The following JAK1 variants were observed in gnomAD, a reference collection of about 807,000 sequenced individuals.
The protein encoded by JAK1 is Janus kinase 1, also known as tyrosine-protein kinase JAK1.
JAK1 carries 16 observed loss-of-function variants against 136.6 expected under a neutral mutation model. The ratio of observed to expected loss-of-function variants is 0.12; its 90% confidence interval spans 0.08 to 0.18. The LOEUF is 0.18. JAK1 is among the 10% of genes least tolerant of loss of function. The pLI, the probability that JAK1 is intolerant of heterozygous loss-of-function variation, is 1.00. For synonymous variants in JAK1, 492 were observed against 519.5 expected, an observed-to-expected ratio of 0.95 and a Z score of 0.72; for missense variants, 859 against 1,450.1, an observed-to-expected ratio of 0.59 and a Z score of 6.62.
intron 2 of JAK1, among the ~76,000 whole-genome samples, chr1:65,033,745 G>GAAAAAAAAAAAAAAA (rs1292847025): frequency 8.4e-6 from 1 of 118,978 alleles, no homozygotes. Context: ...AAAAAAAAAG[G>GAAAAAAAAAAAAAAA]AAACACTTCC....
upstream of JAK1, among the ~76,000 whole-genome samples, chr1:64,967,831 C>T (rs545285604): frequency 6.6e-6 from 1 of 151,996 alleles, no homozygotes; most frequent in Non-Finnish European, 1.5e-5. Flanking sequence ...CAAAGAAGAC[C>T]GGAGATCAGA....
Position 64,981,559 on chromosome 1 carries a change from G to A in JAK1, c.-78+62921C>T, listed in dbSNP as rs538903074. 2.0e-3 allele frequency among the ~76,000 whole-genome samples: 302 copies of A among 152,302 alleles called. 2 individuals are homozygous for A. Among genetic ancestry groups the A allele is most frequent in the African/African-American group, 6.7e-3 (278 of 41,552 alleles). On this transcript the variant is annotated intron_variant, in intron 2 of 25. Transcript: ENST00000671954. ...TTTTCCTAAAAATGCCACATGGCAG[G>A]TGTTTGTTTCAATTAAAATAAATTA...
Position 65,011,035 on chromosome 1 carries a change from T to C in JAK1, c.-78+33445A>G, listed in dbSNP as rs368198021. ...TTTATATTCACAACTTGAATATTTA[T>C]GAAACATATTAATGTGCTTTTTTCT... is the stretch of plus-strand genomic sequence containing the variant. On this transcript the variant is annotated intron_variant, in intron 2 of 25. Transcript: ENST00000671954. 1.2e-4 allele frequency among the ~76,000 whole-genome samples: 18 copies of C among 152,378 alleles called. 1 individual carries two copies. Among genetic ancestry groups the C allele is most frequent in the Admixed American group, 3.3e-4 (5 of 15,308 alleles).
intron 1 of JAK1, among the ~76,000 whole-genome samples, chr1:64,937,473 TG>T (rs1645810148): frequency 1.3e-5 from 2 of 152,218 alleles, no homozygotes; most frequent in Non-Finnish European, 2.9e-5. Flanking sequence ...CTTTTACCTT[TG>T]CTAATTTTTC....
chr1:64,904,014 TG>T (rs1645153209), intron 1 of JAK1, among the ~76,000 whole-genome samples: 2 of 152,226 alleles, frequency 1.3e-5, no homozygotes, highest in Admixed American at 6.5e-5. Flanking sequence ...GCTAGTTCAG[TG>T]CTCTGAATCT....
chr1:65,034,306 T>C (rs553497554), intron 2 of JAK1, among the ~76,000 whole-genome samples: 1 of 152,222 alleles, frequency 6.6e-6, no homozygotes, highest in Non-Finnish European at 1.5e-5. Context: ...AAAGAGAAGA[T>C]ACACGACTTG....
Position 64,984,648 on chromosome 1 carries a change from C to T in JAK1, c.-78+59832G>A. 1.9e-6 allele frequency: 1 copy of T among 530,876 alleles called. No homozygotes were observed. The highest frequency in any genetic ancestry group is 4.1e-5 in the East Asian group (1 of 24,556). 32.9% of individuals were successfully genotyped at this position (530,876 alleles called of 1,614,324 possible). A position where few individuals can be genotyped will look rare whatever the true frequency, so the allele number is the denominator to read the frequency against. On this transcript the variant is annotated intron_variant, in intron 2 of 25. Transcript: ENST00000671954. This position sits in a 1 kb window ranked among gnomAD's most constrained non-coding sequence, Gnocchi z 4.1. ...TCTCCTTAGCAGGCTGGATACTGTT[C>T]ATCTCCATGACACAGTCCTTCCAGA...
chr1:65,053,049 A>G (rs12184294), intron 1 of JAK1, among the ~76,000 whole-genome samples: 57,408 of 138,312 alleles, frequency 0.42, 15,744 homozygotes, highest in Non-Finnish European at 0.58. Flanking sequence ...AAAAAAAAAA[A>G]AAAAAAAGAC....
At chr1:64,869,267 C>G (rs372297202) in intron 6 of JAK1, 44 bp downstream of exon 6, 16 of 1,584,008 alleles carry the variant, frequency 1.0e-5, no homozygotes, top group Admixed American at 1.7e-5. Context: ...TGTAGAAACA[C>G]CACCATCCTC....
chr1:64,856,529 CATTGTTA>C (rs1655946566), intron 10 of JAK1, among the ~76,000 whole-genome samples: 2 of 152,150 alleles, frequency 1.3e-5, no homozygotes, highest in Admixed American at 6.5e-5. Flanking sequence ...GGTGATGTGA[CATTGTTA>C]GGGAGTCACG....
At chr1:64,859,055 T>C (rs1656128232) in intron 9 of JAK1, among the ~76,000 whole-genome samples, 1 of 152,202 alleles carries the variant, frequency 6.6e-6, no homozygotes. Flanking sequence ...GCTCTGCCAT[T>C]CTTTGTGTGT....
intron 6 of JAK1, among the ~76,000 whole-genome samples, 194 bp from the exon 7 acceptor site, chr1:64,867,402 A>C (rs1234586283): frequency 2.0e-5 from 3 of 152,256 alleles, no homozygotes; most frequent in Non-Finnish European, 2.9e-5. Context: ...ACTGGGAAAG[A>C]AAAGCAAAGC....
At chr1:64,953,211 G>A (rs1401565708) in intron 1 of JAK1, among the ~76,000 whole-genome samples, 1 of 152,232 alleles carries the variant, frequency 6.6e-6, no homozygotes, top group Non-Finnish European at 1.5e-5. Context: ...TGGGGTAGCA[G>A]TGGGTAACTT....
chr1:65,041,659 G>A (rs1378643285), intron 2 of JAK1, among the ~76,000 whole-genome samples: 3 of 152,110 alleles, frequency 2.0e-5, no homozygotes, highest in Non-Finnish European at 4.4e-5. Context: ...GAACTCTACT[G>A]TCTCCTTTCA....
intron 1 of JAK1, among the ~76,000 whole-genome samples, chr1:64,931,924 A>AT (rs1478710017): frequency 1.3e-5 from 2 of 151,460 alleles, no homozygotes; most frequent in Admixed American, 1.3e-4. Context: ...ACCTAAATGT[A>AT]TTTTTTAAAT....
At chr1:64,939,447 T>C (rs922492666) in intron 1 of JAK1, among the ~76,000 whole-genome samples, 2 of 152,234 alleles carry the variant, frequency 1.3e-5, no homozygotes, top group Admixed American at 1.3e-4. Context: ...TTGGAGTCAC[T>C]AGTTTGCAGT....
chr1:65,035,151 G>A (rs995745286), intron 2 of JAK1, among the ~76,000 whole-genome samples: 2 of 152,098 alleles, frequency 1.3e-5, no homozygotes, highest in African/African-American at 4.8e-5. Context: ...ATTTTCTCGA[G>A]GTAAAGATTA....
chr1:64,882,510 G>A (rs1644789348), intron 3 of JAK1, among the ~76,000 whole-genome samples: 1 of 152,154 alleles, frequency 6.6e-6, no homozygotes, highest in Non-Finnish European at 1.5e-5. Flanking sequence ...TTACTCAGTT[G>A]TACAACCATC....
intron 12 of JAK1, among the ~76,000 whole-genome samples, chr1:64,848,408 A>G (rs1051853032): frequency 8.5e-5 from 13 of 152,170 alleles, no homozygotes; most frequent in African/African-American, 2.9e-4. Context: ...TAGGATTTAA[A>G]ATTAGTGGTG....
Sources: allele counts gnomAD v4.1 joint callset (sites outside exome capture counted in the v4.1 genomes callset), GRCh38; gene constraint gnomAD v4.1.1; non-coding constraint Gnocchi (gnomAD v3.1); transcripts MANE v1.5; gene names NCBI Gene and HGNC (gene_info 2026-07-23, HGNC 2026-07-21).